The following ENOX1 variants were observed in gnomAD, a reference collection of about 807,000 sequenced individuals.
The protein encoded by ENOX1 is candidate growth-related and time keeping constitutive hydroquinone (NADH) oxidase.
A neutral mutation model predicts 82.5 loss-of-function variants in ENOX1; 42 were observed. The ratio of observed to expected loss-of-function variants is 0.51; its 90% CI spans 0.40 to 0.66. The LOEUF (loss-of-function observed/expected upper bound fraction) is 0.66, where lower values mean the gene tolerates loss of function less well. ENOX1 is among the 30% of genes least tolerant of loss of function. The pLI is 0.00. For synonymous variants in ENOX1, 271 were observed against 282.2 expected (o/e 0.96, Z 0.40); for missense variants, 608 against 811.6 (o/e 0.75, Z 3.05).
Position 43,625,781 on chromosome 13 carries a change from T to C in ENOX1, c.-219+41698A>G, listed in dbSNP as rs2082937785. Among the ~76,000 whole-genome samples, 4 of 151,992 alleles carry C rather than the reference T, an allele frequency of 2.6e-5. No homozygotes were observed. The South Asian group carries it at 8.3e-4, about 31-fold the overall frequency. On this transcript the variant is annotated intron_variant, in intron 2 of 16. Transcript: ENST00000690772. ...AGTATTTTTACTTCTCTATTTATGA[T>C]TGATACTGGTAGACAGTTTTCTTTT...
chr13:43,342,288 C>T (rs977336155), intron 9 of ENOX1, among the ~76,000 whole-genome samples: 14 of 151,944 alleles, frequency 9.2e-5, no homozygotes, highest in African/African-American at 3.1e-4. Flanking sequence ...AAGGGTGGGC[C>T]GAATCGGGGT....
At chr13:43,703,564 C>T (rs1197480814) in intron 1 of ENOX1, among the ~76,000 whole-genome samples, 2 of 152,102 alleles carry the variant, frequency 1.3e-5, no homozygotes, top group South Asian at 4.2e-4. Context: ...AGTCCTATTC[C>T]TTTGTTCTAT....
intron 2 of ENOX1, among the ~76,000 whole-genome samples, chr13:43,553,436 G>T (rs2079292312): frequency 6.6e-6 from 1 of 152,110 alleles, no homozygotes; most frequent in Admixed American, 6.5e-5. Context: ...CAAAGAAAAA[G>T]TTCCTGTTTT....
chr13:43,752,159 CTTA>C (rs1473131286), intron 1 of ENOX1, among the ~76,000 whole-genome samples: 1 of 152,116 alleles, frequency 6.6e-6, no homozygotes, highest in Non-Finnish European at 1.5e-5. Context: ...TTCTCATGTG[CTTA>C]TTTACCACCC....
chr13:43,642,663 G>C (rs573099490), intron 2 of ENOX1, among the ~76,000 whole-genome samples: 16 of 152,246 alleles, frequency 1.1e-4, no homozygotes, highest in African/African-American at 3.6e-4. Flanking sequence ...GGAAAGTATA[G>C]ACTTCATTTC....
chr13:43,466,050 C>A (rs998279311), intron 3 of ENOX1, among the ~76,000 whole-genome samples: 12 of 152,132 alleles, frequency 7.9e-5, no homozygotes, highest in Non-Finnish European at 1.8e-4. Flanking sequence ...TTCTCATGAT[C>A]CCTTGTATTT....
chr13:43,781,256 A>G (rs1366333905), intron 1 of ENOX1, among the ~76,000 whole-genome samples: 1 of 152,182 alleles, frequency 6.6e-6, no homozygotes, highest in Non-Finnish European at 1.5e-5. Context: ...TTGCAGCATT[A>G]CACAAAGAGG....
chr13:43,326,176 T>C (rs1385055868), intron 10 of ENOX1, among the ~76,000 whole-genome samples: 1 of 152,224 alleles, frequency 6.6e-6, no homozygotes, highest in Non-Finnish European at 1.5e-5. Context: ...AAATCTTTAC[T>C]ATGAATGGGA....
At chr13:43,587,757 A>T (rs1478468394) in intron 2 of ENOX1, among the ~76,000 whole-genome samples, 1 of 152,234 alleles carries the variant, frequency 6.6e-6, no homozygotes, top group Non-Finnish European at 1.5e-5. Flanking sequence ...ATTTTTAAAC[A>T]TGTTATATAT....
rs184967076 is a variant in ENOX1 at position 43,294,513 on chromosome 13, T to C, written c.1446+3833A>G. On this transcript the variant is annotated intron_variant, in intron 12 of 16. Transcript: ENST00000690772. ...CCTGATGAGGATGCAGAACTGGAGTTTGCAGACAGTCCCGAGGGAATGCAT... is the reference window on the plus strand; with the variant it reads ...CCTGATGAGGATGCAGAACTGGAGTCTGCAGACAGTCCCGAGGGAATGCAT... 1.4e-4 allele frequency among the ~76,000 whole-genome samples: 22 copies of C among 152,304 alleles called. No individual in the cohort carries two copies. The East Asian group carries it at 4.0e-3, about 28-fold the overall frequency.
chr13:43,656,531 C>T (rs559634424), intron 2 of ENOX1, among the ~76,000 whole-genome samples: 36 of 152,232 alleles, frequency 2.4e-4, no homozygotes, highest in Non-Finnish European at 3.2e-4. Context: ...GAAGATGAAT[C>T]GGGAAGAGGC....
intron 2 of ENOX1, among the ~76,000 whole-genome samples, chr13:43,577,586 T>C (rs1299688481): frequency 6.6e-6 from 1 of 152,052 alleles, no homozygotes; most frequent in East Asian, 1.9e-4. Flanking sequence ...AAAGAGGAAT[T>C]CCCTCCATCA....
At chr13:43,759,037 C>T (rs1005221821) in intron 1 of ENOX1, among the ~76,000 whole-genome samples, 1 of 151,384 alleles carries the variant, frequency 6.6e-6, no homozygotes, top group Non-Finnish European at 1.5e-5. Flanking sequence ...TTACAAACAG[C>T]TAGAGAATGA....
chr13:43,391,058 A>C (rs1924630), intron 5 of ENOX1, among the ~76,000 whole-genome samples: 149,220 of 152,136 alleles, frequency 0.98, 73,253 homozygotes, highest in East Asian at 1. Flanking sequence ...CACTGACCTG[A>C]CTTCTATCCC....
intron 2 of ENOX1, among the ~76,000 whole-genome samples, chr13:43,641,965 T>G (rs2083674687): frequency 6.6e-6 from 1 of 152,216 alleles, no homozygotes; most frequent in Admixed American, 6.5e-5. Flanking sequence ...AATAGTCATG[T>G]TAACATTTAT....
chr13:43,316,425 G>T (rs577585186), intron 11 of ENOX1, among the ~76,000 whole-genome samples: 1 of 152,266 alleles, frequency 6.6e-6, no homozygotes, highest in East Asian at 1.9e-4. Flanking sequence ...GAGATGTCAA[G>T]AATCATGGCA....
At chr13:43,285,777 T>C (rs2045658614) in intron 12 of ENOX1, among the ~76,000 whole-genome samples, 1 of 123,592 alleles carries the variant, frequency 8.1e-6, no homozygotes. Context: ...GCCACTGCAC[T>C]CCAGCCTGGG....
chr13:43,711,026 A>G (rs1467108525), intron 1 of ENOX1, among the ~76,000 whole-genome samples: 1 of 151,512 alleles, frequency 6.6e-6, no homozygotes, highest in East Asian at 1.9e-4. Flanking sequence ...CCACTAACTC[A>G]TTATTTAGTA....
At chr13:43,448,391 G>A (rs530752643) in intron 3 of ENOX1, among the ~76,000 whole-genome samples, 12 of 152,160 alleles carry the variant, frequency 7.9e-5, no homozygotes, top group African/African-American at 2.6e-4. Context: ...AACTTCAAAC[G>A]GCAAATAAAG....
Sources: allele counts gnomAD v4.1 joint callset (sites outside exome capture counted in the v4.1 genomes callset), GRCh38; gene constraint gnomAD v4.1.1; transcripts MANE v1.5; gene names NCBI Gene and HGNC (gene_info 2026-07-23, HGNC 2026-07-21).